INPP5A: variants seen among roughly 807,000 people sequenced by gnomAD.
INPP5A encodes inositol polyphosphate-5-phosphatase A, also known as 43 kDa inositol polyphosphate 5-phophatase.
A neutral mutation model predicts 65.2 loss-of-function variants in INPP5A; 14 were observed. That is an observed-to-expected ratio of 0.21 (90% CI 0.14 to 0.34). The LOEUF (loss-of-function observed/expected upper bound fraction) is 0.34, where lower values mean the gene tolerates loss of function less well. Ranked by LOEUF, INPP5A falls within the 10% of genes least tolerant of loss-of-function variation. The pLI is 1.00. For synonymous variants in INPP5A, 207 were observed against 208.3 expected (o/e 0.99, Z 0.05); for missense variants, 431 against 545.6 (o/e 0.79, Z 2.09).
chr10:132,574,611 CT>C (rs971830036), intron 1 of INPP5A, among the ~76,000 whole-genome samples: 34 of 138,756 alleles, frequency 2.5e-4, no homozygotes, highest in South Asian at 4.6e-4. Flanking sequence ...TCTTTTTTTT[CT>C]TTTTTTTTTA....
chr10:132,772,627 C>T (rs2997645), intron 12 of INPP5A, among the ~76,000 whole-genome samples: 28,488 of 50,018 alleles, frequency 0.57, 6,391 homozygotes, highest in East Asian at 0.71. Context: ...AGCCACCCCA[C>T]GAAGAGTGGG....
intron 4 of INPP5A, among the ~76,000 whole-genome samples, chr10:132,682,247 A>G (rs1199055745): frequency 1.3e-5 from 2 of 149,736 alleles, no homozygotes; most frequent in African/African-American, 4.9e-5. Context: ...GGATGTTGTG[A>G]TGGGAGCTGT....
At chr10:132,725,202 G>A (rs759684725) in intron 8 of INPP5A, among the ~76,000 whole-genome samples, 2 of 152,222 alleles carry the variant, frequency 1.3e-5, no homozygotes, top group Non-Finnish European at 2.9e-5. Flanking sequence ...AATATTGAGG[G>A]TGTGCAAGTT....
intron 3 of INPP5A, among the ~76,000 whole-genome samples, chr10:132,647,031 C>T (rs1382880017): frequency 2.0e-5 from 3 of 152,014 alleles, no homozygotes; most frequent in Non-Finnish European, 2.9e-5. Flanking sequence ...GCAGGGTCCT[C>T]GAGCAGAGCA....
At chr10:132,710,495 T>C in intron 8 of INPP5A, 39 bp downstream of exon 8, 1 of 1,598,112 alleles carries the variant, frequency 6.3e-7, no homozygotes, top group Non-Finnish European at 8.5e-7. Context: ...GCCGGGCAAG[T>C]AGGTGTGCTG....
chr10:132,635,489 G>A (rs538550839), intron 2 of INPP5A, among the ~76,000 whole-genome samples: 6 of 129,500 alleles, frequency 4.6e-5, no homozygotes, highest in South Asian at 2.6e-4. Context: ...TCCGCCTCCC[G>A]GGTTCATGCC....
intron 2 of INPP5A, among the ~76,000 whole-genome samples, chr10:132,641,731 C>T (rs1427969320): frequency 1.2e-4 from 19 of 152,222 alleles, no homozygotes; most frequent in Admixed American, 9.8e-4. Context: ...TTTCTATAGT[C>T]GTTCATTGCT....
intron 1 of INPP5A, among the ~76,000 whole-genome samples, chr10:132,577,984 GTTAT>G (rs939872165): frequency 2.1e-4 from 32 of 152,318 alleles, no homozygotes; most frequent in South Asian, 4.1e-4. Flanking sequence ...TATTTCTTGG[GTTAT>G]TTTAGTTGTA....
rs181996345 is a variant in INPP5A, at chr10:132,749,960, G to A, written c.903+115G>A. ...CCTGCCTTGTCCCTGCCACCTCCAG[G>A]ACTCAGTTCTGAGCCAGTGCAAGTC... is the stretch of plus-strand genomic sequence containing the variant. On this transcript the variant is annotated intron_variant, in intron 11 of 15. Transcript: ENST00000368594. 4.3e-6 allele frequency: 4 copies of A among 930,272 alleles called. No individual in the cohort carries two copies. In the Admixed American group the frequency reaches 5.6e-5, roughly 13 times the overall value. The allele number at this position is 930,272 out of a possible 1,614,324, so 57.6% of individuals were successfully genotyped here.
chr10:132,718,402 A>G (rs1261349021), intron 8 of INPP5A, among the ~76,000 whole-genome samples: 3,672 of 44,740 alleles, frequency 0.082, 1 homozygote, highest in Middle Eastern at 0.16. Flanking sequence ...GCCTTAGACG[A>G]CTGTCTTGCG....
chr10:132,594,906 A>G (rs1263084239), intron 1 of INPP5A, among the ~76,000 whole-genome samples: 1 of 152,166 alleles, frequency 6.6e-6, no homozygotes, highest in Non-Finnish European at 1.5e-5. Flanking sequence ...ACAGGCAGTT[A>G]TTTAACATTC....
At chr10:132,700,935 G>A (rs571932998) in intron 6 of INPP5A, among the ~76,000 whole-genome samples, 42 of 152,294 alleles carry the variant, frequency 2.8e-4, no homozygotes, top group African/African-American at 8.9e-4. Context: ...TTTTTAAAAC[G>A]CAGATTTGTG....
rs921117454 is a variant in INPP5A at position 132,736,517 on chromosome 10, G to A, written c.732+9612G>A. Among the ~76,000 whole-genome samples, 7 of 152,338 alleles carry A rather than the reference G, an allele frequency of 4.6e-5. No individual in the cohort carries two copies. In the East Asian group the frequency reaches 7.7e-4, roughly 17 times the overall value. Reference sequence around the variant, plus strand: ...CCGTCCTCGGAGAGGGGCTGACGTCGCAAGGAGACACCCCGAGAGCCGGGC... The same window carrying A: ...CCGTCCTCGGAGAGGGGCTGACGTCACAAGGAGACACCCCGAGAGCCGGGC... On this transcript the variant is annotated intron_variant, in intron 9 of 15. Transcript: ENST00000368594.
rs566929510 is a variant in INPP5A at position 132,575,733 on chromosome 10, T to C, written c.76-32182T>C. 6.6e-6 allele frequency among the ~76,000 whole-genome samples: 1 copy of C among 152,224 alleles called. No homozygotes were observed. Among genetic ancestry groups the C allele is most frequent in the African/African-American group, 2.4e-5 (1 of 41,554 alleles). ...GGCCCTCAGGACAGCCTTTCCCCGGTTCCCTGTGTCCCTCTGGCCGTGGGC... is the reference window on the plus strand; with the variant it reads ...GGCCCTCAGGACAGCCTTTCCCCGGCTCCCTGTGTCCCTCTGGCCGTGGGC... On this transcript the variant is annotated intron_variant, in intron 1 of 15. Coordinates refer to ENST00000368594, the MANE Select transcript of INPP5A (RefSeq NM_005539.5). The surrounding 1 kb of genome is among the most constrained non-coding windows in gnomAD (Gnocchi z 5.4).
chr10:132,564,400 C>T (rs1487860702), intron 1 of INPP5A, among the ~76,000 whole-genome samples: 1 of 152,074 alleles, frequency 6.6e-6, no homozygotes, highest in Non-Finnish European at 1.5e-5. Flanking sequence ...GAGGCCCTGA[C>T]CTGCTCAATG....
At chr10:132,591,899 C>T (rs1210316084) in intron 1 of INPP5A, among the ~76,000 whole-genome samples, 1 of 152,090 alleles carries the variant, frequency 6.6e-6, no homozygotes, top group African/African-American at 2.4e-5. Context: ...TTTCCTTGTC[C>T]GAGGGAATGA....
chr10:132,636,123 G>C (rs2072348199), intron 2 of INPP5A, among the ~76,000 whole-genome samples: 1 of 151,406 alleles, frequency 6.6e-6, no homozygotes, highest in South Asian at 2.1e-4. Flanking sequence ...ATCCCAGTTG[G>C]AAATATTATT....
chr10:132,781,941 A>T lies in INPP5A; in HGVS notation c.1239A>T (p.Ter413CysextTer27). The part of the protein sequence containing the change: ...AHVHKCCVVQ[*>C] ...TGCACAAGTGTTGTGTCGTGCAGTG[A>T]CGTGGTGGTAAATATGACTCCTCCC... Residue 413 changes from the stop codon to cysteine, a stop_lost, in exon 15 of 16, where the codon TGA becomes TGT. Coordinates refer to ENST00000368594, the MANE Select transcript of INPP5A (RefSeq NM_005539.5). The T allele has an allele frequency of 6.2e-7, 1 of 1,613,694 alleles. No individual in the cohort carries two copies. Among genetic ancestry groups the T allele is most frequent in the Non-Finnish European group, 8.5e-7 (1 of 1,179,864 alleles).
chr10:132,691,828 TGTG>T (rs1845270013), intron 5 of INPP5A, among the ~76,000 whole-genome samples: 1 of 146,766 alleles, frequency 6.8e-6, no homozygotes, highest in Admixed American at 6.9e-5. Context: ...GCGGGAGACG[TGTG>T]GTCGCGGGAG....
Sources: allele counts gnomAD v4.1 joint callset (sites outside exome capture counted in the v4.1 genomes callset), GRCh38; gene constraint gnomAD v4.1.1; non-coding constraint Gnocchi (gnomAD v3.1); transcripts MANE v1.5; gene names NCBI Gene and HGNC (gene_info 2026-07-23, HGNC 2026-07-21).